The following GAP43 variants were observed in gnomAD, a reference collection of about 807,000 sequenced individuals.
The protein encoded by GAP43 is growth associated protein 43.
Under a neutral mutation model 18.6 loss-of-function variants are expected in GAP43, and 6 were observed. That is an observed-to-expected ratio of 0.32 (90% confidence interval 0.18 to 0.64). The LOEUF is 0.64. GAP43 is among the 30% of genes least tolerant of loss of function. The pLI is 0.78. For missense variants in GAP43, 292 were observed against 295.5 expected (o/e 0.99, Z 0.09); for synonymous variants, 115 against 111.4 (o/e 1.03, Z -0.20).
chr3:115,664,613 GGTAGCAA>G (rs1221041090), intron 1 of GAP43, among the ~76,000 whole-genome samples: 1 of 152,150 alleles, frequency 6.6e-6, no homozygotes, highest in Non-Finnish European at 1.5e-5. Context: ...AACCATGCCA[GGTAGCAA>G]GTAATCAATG....
chr3:115,648,116 T>C (rs1390603052), intron 1 of GAP43, among the ~76,000 whole-genome samples: 3 of 152,114 alleles, frequency 2.0e-5, no homozygotes, highest in African/African-American at 7.2e-5. Flanking sequence ...CTAGGCTGTA[T>C]GACAGTGTGA....
chr3:115,656,379 C>A (rs1256693127), intron 1 of GAP43, among the ~76,000 whole-genome samples: 1 of 151,968 alleles, frequency 6.6e-6, no homozygotes. Context: ...GTCTAAGGAC[C>A]ATAGATGCAG....
intron 2 of GAP43, among the ~76,000 whole-genome samples, chr3:115,708,201 A>T (rs1249104638): frequency 6.6e-6 from 1 of 152,226 alleles, no homozygotes; most frequent in Admixed American, 6.5e-5. Context: ...GAAGAAGACT[A>T]AAAAGATACC....
At chr3:115,646,903 T>G (rs1439185732) in intron 1 of GAP43, among the ~76,000 whole-genome samples, 1 of 152,040 alleles carries the variant, frequency 6.6e-6, no homozygotes, top group Non-Finnish European at 1.5e-5. Flanking sequence ...ATGTATTTCC[T>G]GAACCCCTAC....
At chr3:115,707,985 C>T (rs962031) in intron 2 of GAP43, among the ~76,000 whole-genome samples, 82,315 of 147,382 alleles carry the variant, frequency 0.56, 23,012 homozygotes, top group East Asian at 0.73. Flanking sequence ...ATATATATAT[C>T]GGGATACACA....
At chr3:115,660,482 A>T (rs1011653051) in intron 1 of GAP43, among the ~76,000 whole-genome samples, 3 of 152,244 alleles carry the variant, frequency 2.0e-5, no homozygotes, top group Non-Finnish European at 2.9e-5. Flanking sequence ...ACAGACAAAG[A>T]AACAGATCCA....
chr3:115,646,039 A>C (rs1041154378), intron 1 of GAP43, among the ~76,000 whole-genome samples: 1 of 152,144 alleles, frequency 6.6e-6, no homozygotes, highest in African/African-American at 2.4e-5. Context: ...TTTAAAATTT[A>C]AAATATACTC....
At chr3:115,704,517 T>TA (rs1325307852) in intron 2 of GAP43, among the ~76,000 whole-genome samples, 2 of 152,134 alleles carry the variant, frequency 1.3e-5, no homozygotes, top group African/African-American at 4.8e-5. Context: ...TAGAATTTGA[T>TA]AAAACAGTAA....
chr3:115,666,286 A>G (rs990286698), intron 1 of GAP43, among the ~76,000 whole-genome samples: 1 of 152,124 alleles, frequency 6.6e-6, no homozygotes, highest in Non-Finnish European at 1.5e-5. Context: ...GGCACATTTT[A>G]CATGGTTTCC....
intron 1 of GAP43, among the ~76,000 whole-genome samples, chr3:115,625,185 G>A (rs1318172118): frequency 2.0e-5 from 3 of 150,072 alleles, no homozygotes; most frequent in African/African-American, 7.4e-5. Flanking sequence ...GAATGTCAGA[G>A]CAGTGGGAGT....
rs573268492 is a variant in GAP43 at position 115,696,156 on chromosome 3, C to T, written c.628+19546C>T. 3.9e-5 allele frequency among the ~76,000 whole-genome samples: 6 copies of T among 152,174 alleles called. No individual in the cohort carries two copies. In the East Asian group the frequency reaches 1.2e-3, roughly 29 times the overall value. On this transcript the variant is annotated intron_variant, in intron 2 of 2. Coordinates refer to ENST00000305124, the MANE Select transcript of GAP43 (RefSeq NM_002045.4). ...TCCCCACTCCAGACAATTGCTTACTCTACATCTCAACTTGGATATCTAATA... is the reference window on the plus strand; with the variant it reads ...TCCCCACTCCAGACAATTGCTTACTTTACATCTCAACTTGGATATCTAATA...
Position 115,657,191 on chromosome 3 carries a change from TA to T in GAP43, c.31-18817del, listed in dbSNP as rs968683382. On this transcript the variant is annotated intron_variant, in intron 1 of 2. Transcript: ENST00000305124. ...GGGGAGAGGGCAAAGAGAAAACAGATAAAAAGAGAATAAAAGAGGAAATGAG... is the reference window on the plus strand; with the variant it reads ...GGGGAGAGGGCAAAGAGAAAACAGATAAAAGAGAATAAAAGAGGAAATGAG... Among the ~76,000 whole-genome samples, 31 of 152,076 alleles carry T rather than the reference TA, an allele frequency of 2.0e-4. No homozygotes were observed. The East Asian group carries it at 4.8e-3, about 24-fold the overall frequency.
chr3:115,708,175 T>C (rs187090007), intron 2 of GAP43, among the ~76,000 whole-genome samples: 203 of 152,336 alleles, frequency 1.3e-3, no homozygotes, highest in African/African-American at 4.6e-3. Context: ...TTTGAGAAGT[T>C]AGTCCACAGT....
chr3:115,673,724 T>C (rs1356436844), intron 1 of GAP43, among the ~76,000 whole-genome samples: 3 of 152,178 alleles, frequency 2.0e-5, no homozygotes, highest in Admixed American at 2.0e-4. Flanking sequence ...CTCATCCCAG[T>C]AGGAGTCATC....
At chr3:115,646,150 T>C (rs1708455280) in intron 1 of GAP43, among the ~76,000 whole-genome samples, 1 of 152,112 alleles carries the variant, frequency 6.6e-6, no homozygotes, top group Non-Finnish European at 1.5e-5. Context: ...ATCCAGAAAC[T>C]CAGTGCCAAG....
At position 115,663,738 on chromosome 3, in the gene GAP43, T is replaced by C. The variant is rs1708695752; in HGVS notation, c.31-12275T>C. The C allele has an allele frequency of 3.2e-6, 5 of 1,550,500 alleles. No individual in the cohort carries two copies. In the South Asian group the frequency reaches 4.8e-5, roughly 15 times the overall value. On this transcript the variant is annotated intron_variant, in intron 1 of 2. Transcript: ENST00000305124. ...GGACTGACAGCTCTACAGCCTAGTCTTTTAGACAGTGAACTAGGCCAGCAT... is the reference window on the plus strand; with the variant it reads ...GGACTGACAGCTCTACAGCCTAGTCCTTTAGACAGTGAACTAGGCCAGCAT...
intron 2 of GAP43, among the ~76,000 whole-genome samples, chr3:115,716,527 A>G (rs1709503633): frequency 6.7e-6 from 1 of 150,204 alleles, no homozygotes; most frequent in South Asian, 2.1e-4. Context: ...TTGTTTCTTT[A>G]CATTGTTTCC....
At chr3:115,654,827 C>T (rs1051182580) in intron 1 of GAP43, among the ~76,000 whole-genome samples, 1 of 152,056 alleles carries the variant, frequency 6.6e-6, no homozygotes, top group African/African-American at 2.4e-5. Context: ...AGTCCATTTT[C>T]CAGAAATGTA....
chr3:115,714,614 G>A (rs553720170), intron 2 of GAP43, among the ~76,000 whole-genome samples: 1 of 151,496 alleles, frequency 6.6e-6, no homozygotes, highest in Non-Finnish European at 1.5e-5. Context: ...AAAAATTTGT[G>A]TCTTGAAAAA....
Sources: gnomAD v4.1 joint callset for allele counts (sites outside exome capture counted in the v4.1 genomes callset) on GRCh38, gnomAD v4.1.1 for gene constraint, MANE v1.5 for transcripts, NCBI Gene and HGNC (gene_info 2026-07-23, HGNC 2026-07-21) for gene names.